The following MARCHF1 variants were observed in gnomAD, a reference collection of about 807,000 sequenced individuals.
MARCHF1 encodes membrane associated ring-CH-type finger 1.
Under a neutral mutation model 54.2 loss-of-function variants are expected in MARCHF1, and 40 were observed. The observed-to-expected ratio is 0.74, with a 90% CI of 0.57 to 0.96. MARCHF1 has a LOEUF of 0.96. Ranked by LOEUF, MARCHF1 falls within the 40% of genes least tolerant of loss-of-function variation. The pLI, the probability that MARCHF1 is intolerant of heterozygous loss-of-function variation, is 0.00. For synonymous variants in MARCHF1, 236 were observed against 236.3 expected (o/e 1.00, Z 0.01); for missense variants, 586 against 656.5 (o/e 0.89, Z 1.17).
chr4:163,807,149 A>T (rs1435830727), intron 4 of MARCHF1, among the ~76,000 whole-genome samples: 1 of 152,232 alleles, frequency 6.6e-6, no homozygotes, highest in Non-Finnish European at 1.5e-5. Flanking sequence ...AAATGCTTAT[A>T]AAATTGGTGA....
At chr4:163,797,460 A>G (rs1432989798) in intron 4 of MARCHF1, among the ~76,000 whole-genome samples, 1 of 151,988 alleles carries the variant, frequency 6.6e-6, no homozygotes, top group Non-Finnish European at 1.5e-5. Context: ...TATCTCTTCA[A>G]GTATTGCCAG....
At chr4:164,137,469 T>A (rs1469433551) in intron 1 of MARCHF1, among the ~76,000 whole-genome samples, 2 of 152,188 alleles carry the variant, frequency 1.3e-5, no homozygotes, top group South Asian at 2.1e-4. Context: ...GTGATTTTTT[T>A]AAATAGCAGT....
intron 1 of MARCHF1, among the ~76,000 whole-genome samples, chr4:164,220,747 C>T (rs928784862): frequency 1.4e-5 from 2 of 142,218 alleles, no homozygotes; most frequent in African/African-American, 2.6e-5. Context: ...AATATATATG[C>T]TATATATGTA....
At chr4:163,680,949 TACAC>T (rs1277143136) in intron 5 of MARCHF1, among the ~76,000 whole-genome samples, 3 of 151,052 alleles carry the variant, frequency 2.0e-5, no homozygotes, top group Non-Finnish European at 4.4e-5. Context: ...CATACATACA[TACAC>T]ACATATATAT....
chr4:163,647,494 C>T (rs191235452), intron 5 of MARCHF1, among the ~76,000 whole-genome samples: 29 of 151,818 alleles, frequency 1.9e-4, no homozygotes, highest in African/African-American at 3.9e-4. Context: ...ATAATCTCCA[C>T]GATAAATCAT....
chr4:163,691,772 C>T (rs920953025), intron 5 of MARCHF1, among the ~76,000 whole-genome samples: 2 of 152,136 alleles, frequency 1.3e-5, no homozygotes, highest in African/African-American at 4.8e-5. Flanking sequence ...GTGGTCCAAG[C>T]AGTCATCAAT....
intron 1 of MARCHF1, among the ~76,000 whole-genome samples, chr4:164,221,672 T>A (rs1560960401): frequency 6.6e-6 from 1 of 151,994 alleles, no homozygotes; most frequent in Non-Finnish European, 1.5e-5. Context: ...TTTTCTTCTC[T>A]CCTCCACCAT....
chr4:164,183,667 C>A (rs1730891920), intron 1 of MARCHF1, among the ~76,000 whole-genome samples: 1 of 152,016 alleles, frequency 6.6e-6, no homozygotes, highest in African/African-American at 2.4e-5. Context: ...TGCCATATAC[C>A]ACACATAGTG....
At chr4:163,553,509 G>C (rs545936309) in intron 8 of MARCHF1, among the ~76,000 whole-genome samples, 100 of 152,250 alleles carry the variant, frequency 6.6e-4, no homozygotes, top group African/African-American at 1.0e-3. Flanking sequence ...TTAACTATGT[G>C]AACAAAGATA....
At chr4:163,890,366 T>C (rs202014712) in intron 3 of MARCHF1, among the ~76,000 whole-genome samples, 2 of 42,876 alleles carry the variant, frequency 4.7e-5, no homozygotes, top group Non-Finnish European at 1.2e-4. Context: ...TAAATGGGCT[T>C]TCTCTCTCTC....
chr4:164,252,629 A>G lies in MARCHF1; in HGVS notation c.-323+131241T>C, dbSNP rs184156481. 2.0e-5 allele frequency among the ~76,000 whole-genome samples: 3 copies of G among 152,284 alleles called. No individual in the cohort carries two copies. In the East Asian group the frequency reaches 5.8e-4, roughly 29 times the overall value. ...TAATACCATCAAAAAGAATCAATGA[A>G]TTTTACATAGTAAAACCCTTAGACA... On this transcript the variant is annotated intron_variant, in intron 1 of 9. Coordinates refer to ENST00000514618, the MANE Select transcript of MARCHF1 (RefSeq NM_001394959.1).
At chr4:163,655,389 G>A (rs1026995104) in intron 5 of MARCHF1, among the ~76,000 whole-genome samples, 22 of 151,746 alleles carry the variant, frequency 1.4e-4, no homozygotes, top group African/African-American at 5.1e-4. Flanking sequence ...AAATACAGGA[G>A]CACCCAGATT....
chr4:163,653,314 GC>G lies in MARCHF1; in HGVS notation c.163-39922del, dbSNP rs1743031524. 2.6e-5 allele frequency among the ~76,000 whole-genome samples: 4 copies of G among 151,854 alleles called. No homozygotes were observed. In the South Asian group the frequency reaches 8.3e-4, roughly 31 times the overall value. On this transcript the variant is annotated intron_variant, in intron 5 of 9. Coordinates refer to ENST00000514618, the MANE Select transcript of MARCHF1 (RefSeq NM_001394959.1). ...AAAATGTTCAGAGAAATAGCCAGGG[GC>G]CAGGTTATGTATATCTTGTAGCATG... is the stretch of plus-strand genomic sequence containing the variant.
chr4:163,807,569 T>C (rs1748261028), intron 4 of MARCHF1, among the ~76,000 whole-genome samples: 2 of 152,152 alleles, frequency 1.3e-5, no homozygotes, highest in African/African-American at 2.4e-5. Flanking sequence ...ATAAAGGGCA[T>C]TGTTAAATAA....
chr4:163,954,027 A>C (rs542733296), intron 3 of MARCHF1, among the ~76,000 whole-genome samples: 2 of 152,298 alleles, frequency 1.3e-5, no homozygotes, highest in Admixed American at 1.3e-4. Context: ...CTTTGGTTCT[A>C]ATTTCCTGAT....
chr4:163,806,521 T>C (rs1486415146), intron 4 of MARCHF1, among the ~76,000 whole-genome samples: 1 of 152,206 alleles, frequency 6.6e-6, no homozygotes, highest in Non-Finnish European at 1.5e-5. Context: ...CTAATACTGG[T>C]ACCCATCTCT....
chr4:164,349,249 T>C (rs1255590745), intron 1 of MARCHF1, among the ~76,000 whole-genome samples: 1 of 152,220 alleles, frequency 6.6e-6, no homozygotes, highest in African/African-American at 2.4e-5. Context: ...GAAAGTTAAT[T>C]CTACTTCTCA....
intron 1 of MARCHF1, among the ~76,000 whole-genome samples, chr4:164,164,356 A>C (rs1470866004): frequency 6.6e-6 from 1 of 151,928 alleles, no homozygotes; most frequent in East Asian, 1.9e-4. Context: ...TCAGAAAAAA[A>C]AATTGAGAGA....
intron 5 of MARCHF1, among the ~76,000 whole-genome samples, chr4:163,679,337 C>T (rs757882190): frequency 3.9e-5 from 6 of 152,104 alleles, no homozygotes; most frequent in Admixed American, 2.0e-4. Context: ...CATTTTTTTC[C>T]TATTGCCAGA....
Sources: allele counts gnomAD v4.1 joint callset (sites outside exome capture counted in the v4.1 genomes callset), GRCh38; gene constraint gnomAD v4.1.1; transcripts MANE v1.5; gene names NCBI Gene and HGNC (gene_info 2026-07-23, HGNC 2026-07-21).